ITPR2: variants seen among roughly 807,000 people sequenced by gnomAD.
ITPR2 encodes inositol 1,4,5-trisphosphate-gated calcium channel ITPR2.
A neutral mutation model predicts 317.1 loss-of-function variants in ITPR2; 207 were observed. The observed-to-expected ratio is 0.65, with a 90% confidence interval of 0.58 to 0.73. ITPR2 has a LOEUF of 0.73. ITPR2 is among the 30% of genes least tolerant of loss of function. The pLI is 0.00. For missense variants in ITPR2, 2,613 were observed against 3,284.0 expected, an observed-to-expected ratio of 0.80 and a Z score of 4.99; for synonymous variants, 1,156 against 1,149.1, an observed-to-expected ratio of 1.01 and a Z score of -0.12.
chr12:26,458,642 AG>A (rs1372680480), intron 45 of ITPR2, among the ~76,000 whole-genome samples: 7 of 152,230 alleles, frequency 4.6e-5, no homozygotes, highest in African/African-American at 1.7e-4. Context: ...TAATAAAATG[AG>A]GGGTGACGGA....
chr12:26,708,214 G>A (rs2137016414), intron 9 of ITPR2, among the ~76,000 whole-genome samples: 1 of 152,200 alleles, frequency 6.6e-6, no homozygotes, highest in African/African-American at 2.4e-5. Context: ...TAAAAATAGA[G>A]CTACCATATG....
chr12:26,776,896 G>T (rs957836293), intron 2 of ITPR2, among the ~76,000 whole-genome samples: 2 of 152,180 alleles, frequency 1.3e-5, no homozygotes, highest in African/African-American at 4.8e-5. Flanking sequence ...CAGAGGTGAG[G>T]TTCACAGTGT....
In ITPR2 at chr12:26,399,058, T is replaced by A; in HGVS notation, c.7531-17A>T. 1.9e-6 allele frequency: 3 copies of A among 1,548,896 alleles called. No individual in the cohort carries two copies. The highest frequency in any genetic ancestry group is 1.9e-4 in the Middle Eastern group (1 of 5,196). ...CAAGGGCTCCTGAAATAAAAATATTTAAAAAAATCACACTAGGCATAGTGA... is the reference window on the plus strand; with the variant it reads ...CAAGGGCTCCTGAAATAAAAATATTAAAAAAAATCACACTAGGCATAGTGA... On this transcript the variant is annotated splice_polypyrimidine_tract_variant and intron_variant, in intron 53 of 56. Transcript: ENST00000381340.
At chr12:26,435,740 A>G (rs1443604740) in intron 48 of ITPR2, among the ~76,000 whole-genome samples, 2 of 152,184 alleles carry the variant, frequency 1.3e-5, no homozygotes, top group Non-Finnish European at 2.9e-5. Flanking sequence ...ACCTCAGATG[A>G]TAAACATTTA....
intron 53 of ITPR2, among the ~76,000 whole-genome samples, chr12:26,399,807 T>C (rs1195031047): frequency 6.6e-6 from 1 of 152,230 alleles, no homozygotes; most frequent in African/African-American, 2.4e-5. Context: ...AGAAACCTGA[T>C]AGGCAAGAGG....
chr12:26,561,731 A>T, intron 35 of ITPR2, 31 bp downstream of exon 35: 1 of 1,459,038 alleles, frequency 6.9e-7, no homozygotes, highest in Non-Finnish European at 9.1e-7. Flanking sequence ...TAATTTAGAA[A>T]ATATTAATGC....
intron 55 of ITPR2, among the ~76,000 whole-genome samples, chr12:26,377,813 C>T (rs1490639354): frequency 6.6e-6 from 1 of 152,226 alleles, no homozygotes; most frequent in Non-Finnish European, 1.5e-5. Flanking sequence ...CGCAAAGTTG[C>T]TAACACATAT....
chr12:26,679,209 A>G lies in ITPR2; in HGVS notation c.1409+2665T>C, dbSNP rs553173535. 3.9e-5 allele frequency among the ~76,000 whole-genome samples: 6 copies of G among 152,282 alleles called. No homozygotes were observed. The South Asian group carries it at 1.0e-3, about 26-fold the overall frequency. On this transcript the variant is annotated intron_variant, in intron 13 of 56. Transcript: ENST00000381340. ...CAGGGTTGGAGGTGCGACTGAATATACAATAGTTGTTTTGAAATGTAAGTT... is the reference window on the plus strand; with the variant it reads ...CAGGGTTGGAGGTGCGACTGAATATGCAATAGTTGTTTTGAAATGTAAGTT...
chr12:26,377,541 T>C (rs930573657), intron 55 of ITPR2, among the ~76,000 whole-genome samples: 1 of 152,270 alleles, frequency 6.6e-6, no homozygotes, highest in Non-Finnish European at 1.5e-5. Context: ...GCTTTCTTCC[T>C]TCTAAAGGAT....
At chr12:26,821,847 A>G (rs1213045099) in intron 1 of ITPR2, among the ~76,000 whole-genome samples, 1 of 152,226 alleles carries the variant, frequency 6.6e-6, no homozygotes, top group Non-Finnish European at 1.5e-5. Flanking sequence ...GTGAGCTGCA[A>G]CTTGAGTTGG....
chr12:26,422,436 A>G (rs1940930877), intron 49 of ITPR2, among the ~76,000 whole-genome samples: 1 of 152,160 alleles, frequency 6.6e-6, no homozygotes, highest in South Asian at 2.1e-4. Flanking sequence ...TTAACAGTAC[A>G]GTGTAGCAGA....
chr12:26,509,352 C>T (rs1943269153), intron 37 of ITPR2, among the ~76,000 whole-genome samples: 2 of 152,168 alleles, frequency 1.3e-5, no homozygotes, highest in African/African-American at 2.4e-5. Context: ...AACCAAAAAA[C>T]ACTAAATTGT....
At chr12:26,366,113 GT>G (rs1237761255) in intron 55 of ITPR2, among the ~76,000 whole-genome samples, 1 of 152,078 alleles carries the variant, frequency 6.6e-6, no homozygotes, top group Non-Finnish European at 1.5e-5. Context: ...TCATGAAACA[GT>G]GTAGCCTGCT....
intron 2 of ITPR2, among the ~76,000 whole-genome samples, chr12:26,738,427 T>C (rs971609210): frequency 6.6e-6 from 1 of 151,884 alleles, no homozygotes; most frequent in African/African-American, 2.4e-5. Flanking sequence ...GGAGACAACA[T>C]GGTGGACAGG....
At chr12:26,558,754 T>C (rs1944733188) in intron 35 of ITPR2, among the ~76,000 whole-genome samples, 1 of 152,216 alleles carries the variant, frequency 6.6e-6, no homozygotes, top group East Asian at 1.9e-4. Flanking sequence ...ATGTTGGAAC[T>C]CCCACATTTA....
chr12:26,472,909 C>T (rs770676786), intron 45 of ITPR2, among the ~76,000 whole-genome samples: 6 of 151,924 alleles, frequency 3.9e-5, no homozygotes, highest in Non-Finnish European at 7.4e-5. Flanking sequence ...CGTTTTGAGA[C>T]AGAGTCTTGC....
In ITPR2 at chr12:26,694,017, C is replaced by T. The variant is rs1160544146; in HGVS notation, c.996+1589G>A. Among the ~76,000 whole-genome samples, 3 of 152,040 alleles carry T rather than the reference C, an allele frequency of 2.0e-5. No individual in the cohort carries two copies. The East Asian group carries it at 5.8e-4, about 30-fold the overall frequency. ...ACACAAGTTAATGGTGGTGCTAGAA[C>T]AAGACTCTCTTGGCCCTACACGATG... On this transcript the variant is annotated intron_variant, in intron 10 of 56. Transcript: ENST00000381340.
At chr12:26,345,525 C>A (rs1938277697) in intron 55 of ITPR2, among the ~76,000 whole-genome samples, 1 of 152,086 alleles carries the variant, frequency 6.6e-6, no homozygotes, top group African/African-American at 2.4e-5. Flanking sequence ...AAATATCTTA[C>A]CATTTTTGGA....
At chr12:26,389,424 A>G (rs956148649) in intron 54 of ITPR2, among the ~76,000 whole-genome samples, 1 of 152,010 alleles carries the variant, frequency 6.6e-6, no homozygotes, top group Admixed American at 6.6e-5. Context: ...TCACAGCCAC[A>G]CTAACCTTAC....
Sources: gnomAD v4.1 joint callset for allele counts (sites outside exome capture counted in the v4.1 genomes callset) on GRCh38, gnomAD v4.1.1 for gene constraint, MANE v1.5 for transcripts, NCBI Gene and HGNC (gene_info 2026-07-23, HGNC 2026-07-21) for gene names.